FSHR: variants seen among roughly 807,000 people sequenced by gnomAD.
The protein encoded by FSHR is follicle stimulating hormone receptor, also known as follicle-stimulating hormone receptor.
Under a neutral mutation model 52.1 loss-of-function variants are expected in FSHR, and 46 were observed. The observed-to-expected ratio is 0.88, with a 90% CI of 0.70 to 1.13. The LOEUF (loss-of-function observed/expected upper bound fraction) is 1.13, where lower values mean the gene tolerates loss of function less well. Ranked by LOEUF, FSHR falls within the 50% of genes most tolerant of loss-of-function variation. The probability of loss-of-function intolerance (pLI) is 0.00; values close to 1 mark genes in which losing one functional copy is unlikely to be tolerated. For missense variants in FSHR, 964 were observed against 834.6 expected, an observed-to-expected ratio of 1.16 and a Z score of -1.91; for synonymous variants, 399 against 309.6, an observed-to-expected ratio of 1.29 and a Z score of -3.03.
chr2:48,969,454 G>A (rs975877470), intron 8 of FSHR, among the ~76,000 whole-genome samples: 2 of 152,306 alleles, frequency 1.3e-5, no homozygotes, highest in African/African-American at 4.8e-5. Context: ...AGACCTGCCT[G>A]CATATGTACC....
chr2:49,120,851 A>G (rs533113450), intron 1 of FSHR, among the ~76,000 whole-genome samples: 75 of 152,338 alleles, frequency 4.9e-4, no homozygotes, highest in African/African-American at 1.7e-3. Flanking sequence ...CTTTGCTTTC[A>G]TATTTTTAGG....
At chr2:49,137,830 C>A (rs1672539724) in intron 1 of FSHR, among the ~76,000 whole-genome samples, 1 of 151,918 alleles carries the variant, frequency 6.6e-6, no homozygotes, top group Non-Finnish European at 1.5e-5. Flanking sequence ...CAGGTAAGAG[C>A]TAAAATTATA....
At chr2:49,048,282 T>A (rs1219811313) in intron 2 of FSHR, among the ~76,000 whole-genome samples, 1 of 151,128 alleles carries the variant, frequency 6.6e-6, no homozygotes. Context: ...GTAAAATAAA[T>A]AAAAAGTGGT....
intron 8 of FSHR, among the ~76,000 whole-genome samples, chr2:48,970,052 A>G (rs1243081634): frequency 6.6e-6 from 1 of 152,208 alleles, no homozygotes; most frequent in Non-Finnish European, 1.5e-5. Context: ...TAATGTTGGC[A>G]TTCCCTGTAA....
chr2:49,143,266 C>G (rs1047208911), intron 1 of FSHR, among the ~76,000 whole-genome samples: 3 of 151,982 alleles, frequency 2.0e-5, no homozygotes, highest in African/African-American at 7.2e-5. Context: ...CACTGAAAGT[C>G]AAAAAAGGAA....
chr2:48,980,081 G>A (rs528315300), intron 8 of FSHR, among the ~76,000 whole-genome samples: 1 of 152,304 alleles, frequency 6.6e-6, no homozygotes, highest in South Asian at 2.1e-4. Context: ...CAGGGGGAGA[G>A]GCTTGAAGAA....
chr2:49,142,391 C>G (rs955921358), intron 1 of FSHR, among the ~76,000 whole-genome samples: 7 of 152,076 alleles, frequency 4.6e-5, no homozygotes, highest in Non-Finnish European at 1.0e-4. Flanking sequence ...AAAAATAGAT[C>G]TAAGGTAGGA....
At position 49,041,499 on chromosome 2, in the gene FSHR, C is replaced by T. The variant is rs375663675; in HGVS notation, c.225-21339G>A. ...TGAGACCCTGTCTTCCTTCCAGATA[C>T]GTGCATATCTATTTTAAGATTTCCA... On this transcript the variant is annotated intron_variant, in intron 2 of 9. Transcript: ENST00000406846. 4.6e-5 allele frequency among the ~76,000 whole-genome samples: 7 copies of T among 152,240 alleles called. No homozygotes were observed. In the South Asian group the frequency reaches 6.2e-4, roughly 14 times the overall value.
chr2:49,063,546 T>C (rs1669391191), intron 2 of FSHR, among the ~76,000 whole-genome samples: 1 of 152,128 alleles, frequency 6.6e-6, no homozygotes, highest in South Asian at 2.1e-4. Context: ...GAGGATATTA[T>C]GTTAAGTGAA....
chr2:49,145,620 C>T (rs867509546), intron 1 of FSHR, among the ~76,000 whole-genome samples: 6 of 152,070 alleles, frequency 3.9e-5, no homozygotes, highest in Admixed American at 6.6e-5. Flanking sequence ...TTAGTGATTT[C>T]GACAATGACT....
At chr2:49,016,045 T>C (rs1346900170) in intron 4 of FSHR, among the ~76,000 whole-genome samples, 1 of 152,180 alleles carries the variant, frequency 6.6e-6, no homozygotes. Flanking sequence ...TTGTCTCCTA[T>C]TAAGTCTTTT....
At chr2:49,149,960 A>G (rs1437122985) in intron 1 of FSHR, among the ~76,000 whole-genome samples, 1 of 152,042 alleles carries the variant, frequency 6.6e-6, no homozygotes, top group Non-Finnish European at 1.5e-5. Flanking sequence ...TTTCTTCTTT[A>G]GTATTATAAT....
At chr2:48,981,796 G>C (rs1675259810) in intron 8 of FSHR, among the ~76,000 whole-genome samples, 1 of 152,202 alleles carries the variant, frequency 6.6e-6, no homozygotes, top group Admixed American at 6.5e-5. Context: ...GTAGACAAAA[G>C]TGATGCAGAT....
chr2:49,057,509 A>G (rs568086617), intron 2 of FSHR, among the ~76,000 whole-genome samples: 17 of 152,312 alleles, frequency 1.1e-4, no homozygotes, highest in Admixed American at 1.1e-3. Context: ...TAGACCAATA[A>G]TAAGTGACAA....
intron 1 of FSHR, among the ~76,000 whole-genome samples, chr2:49,088,083 G>A (rs61476139): frequency 0.46 from 69,175 of 151,890 alleles, 15,990 homozygotes; most frequent in East Asian, 0.54. Flanking sequence ...GCCCTGAGCT[G>A]AGCATGGTTT....
chr2:48,963,221 G>A lies in FSHR; in HGVS notation c.1600C>T (p.Leu534Phe), dbSNP rs1674312129. Residue 534 changes from leucine to phenylalanine, a missense_variant, in exon 10 of 10, where the codon CTC (leucine) becomes TTC (phenylalanine). Physicochemically the swap from Leu to Phe is conservative, Grantham distance 22. Transcript: ENST00000406846. ...AAGGCCAGGACATTGAGCACAAGGA[G>A]GGACATGACATACAGCTGTGACAAA... ...SPLSQLYVMS[L>F]LVLNVLAFVV... 1.2e-6 allele frequency: 2 copies of A among 1,614,026 alleles called. No homozygotes were observed.
chr2:49,093,104 A>C (rs1431959574), intron 1 of FSHR, among the ~76,000 whole-genome samples: 1 of 152,224 alleles, frequency 6.6e-6, no homozygotes, highest in African/African-American at 2.4e-5. Context: ...CATATTCATG[A>C]AGGAATATTT....
intron 2 of FSHR, among the ~76,000 whole-genome samples, chr2:49,034,024 GTC>G (rs1408740388): frequency 1.3e-5 from 2 of 152,164 alleles, no homozygotes; most frequent in Non-Finnish European, 2.9e-5. Flanking sequence ...AATTGTAGAC[GTC>G]TCTCAGGCAC....
intron 2 of FSHR, among the ~76,000 whole-genome samples, chr2:49,045,214 A>G (rs1184214403): frequency 1.3e-5 from 2 of 152,144 alleles, no homozygotes; most frequent in African/African-American, 4.8e-5. Flanking sequence ...GCTGTGTGCC[A>G]TTTCTCTTGT....
Sources: gnomAD v4.1 joint callset for allele counts (sites outside exome capture counted in the v4.1 genomes callset) on GRCh38, gnomAD v4.1.1 for gene constraint, MANE v1.5 for transcripts, NCBI Gene and HGNC (gene_info 2026-07-23, HGNC 2026-07-21) for gene names.